Variants in RBM48 observed in about 807,000 individuals in gnomAD.
RBM48 encodes RNA binding motif protein 48.
A neutral mutation model predicts 34.8 loss-of-function variants in RBM48; 32 were observed. That is an observed-to-expected ratio of 0.92 (90% CI 0.69 to 1.23). The LOEUF is 1.23. RBM48 is among the 50% of genes most tolerant of loss of function. The probability of loss-of-function intolerance (pLI) is 0.00; values close to 1 mark genes in which losing one functional copy is unlikely to be tolerated. For synonymous variants in RBM48, 151 were observed against 156.2 expected (o/e 0.97, Z 0.25); for missense variants, 441 against 447.2 (o/e 0.99, Z 0.12).
intron 4 of RBM48, chr7:92,536,065 G>A: frequency 3.1e-6 from 2 of 637,164 alleles, no homozygotes; most frequent in Non-Finnish European, 3.9e-6. Flanking sequence ...GGGAGGCGGA[G>A]GTTGCAGTGA....
intron 1 of RBM48, 71 bp from the exon 2 acceptor site, chr7:92,529,403 TAA>T: frequency 1.2e-6 from 1 of 838,950 alleles, no homozygotes. Flanking sequence ...AAGTTCTCTT[TAA>T]AAAAAAATAG....
At chr7:92,529,798 T>C (rs1490388501) in intron 2 of RBM48, 132 bp downstream of exon 2, 2 of 578,106 alleles carry the variant, frequency 3.5e-6, no homozygotes, top group East Asian at 5.8e-5. Context: ...TCCTCCAGCC[T>C]TTTTAAAAGT....
chr7:92,534,306 T>C (rs1210321351), intron 3 of RBM48, 96 bp from the exon 4 acceptor site: 1 of 1,435,508 alleles, frequency 7.0e-7, no homozygotes, highest in Non-Finnish European at 9.5e-7. Context: ...TGTTAACATT[T>C]TTAAGTGATT....
intron 1 of RBM48, 99 bp downstream of exon 1, chr7:92,529,023 C>T (rs574950814): frequency 2.3e-6 from 2 of 871,820 alleles, no homozygotes; most frequent in Non-Finnish European, 3.8e-6. Flanking sequence ...ACAAGGCTTC[C>T]GTCAGATCTG....
intron 2 of RBM48, among the ~76,000 whole-genome samples, chr7:92,530,937 C>G (rs1793560696): frequency 6.6e-6 from 1 of 152,006 alleles, no homozygotes; most frequent in Admixed American, 6.5e-5. Flanking sequence ...AAAAATCAAG[C>G]TGGGTGTGTT....
In RBM48 at chr7:92,536,964, T is replaced by TAAAAAGAA. The variant is rs1187357526; in HGVS notation, c.*28_*35dup. On this transcript the variant is annotated 3_prime_UTR_variant, in exon 5 of 5. Transcript: ENST00000265732. ...GTGCCAGCAGCAACTTAGTATTTTC[T>TAAAAAGAA]AAAAAGAACATTTATTATTTATTTT... The TAAAAAGAA allele has an allele frequency of 6.9e-7, 1 of 1,459,608 alleles. No individual in the cohort carries two copies. Among genetic ancestry groups the TAAAAAGAA allele is most frequent in the Non-Finnish European group, 9.3e-7 (1 of 1,078,458 alleles). The allele number at this position is 1,459,608 out of a possible 1,614,324, so 90.4% of individuals were successfully genotyped here.
At chr7:92,530,439 G>A (rs941077212) in intron 2 of RBM48, among the ~76,000 whole-genome samples, 1 of 151,436 alleles carries the variant, frequency 6.6e-6, no homozygotes, top group Non-Finnish European at 1.5e-5. Flanking sequence ...AGATTGCAGT[G>A]AGCAGAGATC....
rs1434653996 is a variant in RBM48, at chr7:92,534,908, G to A, written c.955G>A (p.Val319Met). The A allele has an allele frequency of 1.2e-6, 2 of 1,614,150 alleles. No homozygotes were observed. The highest frequency in any genetic ancestry group is 1.7e-6 in the Non-Finnish European group (2 of 1,180,000). The change falls in exon 4 of 5, where the codon GTG becomes ATG. Residue 319 changes from valine (V) to methionine (M), a missense_variant. Coordinates refer to ENST00000265732, the MANE Select transcript of RBM48 (RefSeq NM_032120.4). The stretch of plus-strand genomic sequence containing the variant: ...ACCTCTGTTACCAGACATCTCTAAA[G>A]TGGATATGCACGATGACTCATTGAA... ...IGPLLPDISK[V>M]DMHDDSLNTT...
At chr7:92,531,999 G>A (rs1021405485) in intron 2 of RBM48, among the ~76,000 whole-genome samples, 16 of 152,160 alleles carry the variant, frequency 1.1e-4, no homozygotes, top group African/African-American at 3.1e-4. Flanking sequence ...TATGATTATA[G>A]TATCTTTCAT....
rs370063078 is a variant in RBM48, at chr7:92,528,976, T to C, written c.111+52T>C. The C allele has an allele frequency of 8.2e-4, 1,049 of 1,278,392 alleles. 1 individual carries two copies. Among genetic ancestry groups the C allele is most frequent in the Non-Finnish European group, 1.0e-3 (899 of 886,950 alleles). The allele number at this position is 1,278,392 out of a possible 1,614,324, so 79.2% of individuals were successfully genotyped here. ...CTCCTCGGTAGCTTTATGTGAGTGCTAGCGCCATATGACCAGCCTACGGAA... is the reference window on the plus strand; with the variant it reads ...CTCCTCGGTAGCTTTATGTGAGTGCCAGCGCCATATGACCAGCCTACGGAA... On this transcript the variant is annotated intron_variant, in intron 1 of 4. Coordinates refer to ENST00000265732, the MANE Select transcript of RBM48 (RefSeq NM_032120.4).
rs1793809097 is a variant in RBM48, at chr7:92,539,521, A to T, written c.*2584A>T. Among the ~76,000 whole-genome samples, 1 of 152,152 alleles carries T rather than the reference A, an allele frequency of 6.6e-6. No individual in the cohort carries two copies. Among genetic ancestry groups the T allele is most frequent in the Non-Finnish European group, 1.5e-5 (1 of 68,026 alleles). On this transcript the variant is annotated 3_prime_UTR_variant, in exon 5 of 5. Coordinates refer to ENST00000265732, the MANE Select transcript of RBM48 (RefSeq NM_032120.4). ...GTTCAAGGCCAGCCTGGCCAACATGATGAAACTCCATCTCTACAAAAAATA... is the reference window on the plus strand; with the variant it reads ...GTTCAAGGCCAGCCTGGCCAACATGTTGAAACTCCATCTCTACAAAAAATA...
At chr7:92,530,197 AAATT>A (rs1793527700) in intron 2 of RBM48, among the ~76,000 whole-genome samples, 1 of 144,022 alleles carries the variant, frequency 6.9e-6, no homozygotes, top group African/African-American at 2.7e-5. Flanking sequence ...AAAAAAAAAA[AAATT>A]TGGGTTTGAA....
rs1242121080 is a variant in RBM48, at chr7:92,537,990, A to G, written c.*1053A>G. On this transcript the variant is annotated 3_prime_UTR_variant, in exon 5 of 5. Coordinates refer to ENST00000265732, the MANE Select transcript of RBM48 (RefSeq NM_032120.4). ...GGCCATTTTCTTTACTGATAAAAAT[A>G]ACTTGAGAAGGTCCATACCGTGGTG... is the stretch of plus-strand genomic sequence containing the variant. 1.3e-5 allele frequency: 2 copies of G among 152,204 alleles called. No homozygotes were observed. The highest frequency in any genetic ancestry group is 2.9e-5 in the Non-Finnish European group (2 of 68,054). 9.4% of individuals were successfully genotyped at this position (152,204 alleles called of 1,614,324 possible).
chr7:92,535,830 G>A, intron 4 of RBM48: 8 of 982,354 alleles, frequency 8.1e-6, no homozygotes, highest in Non-Finnish European at 9.7e-6. Flanking sequence ...CAGTTTTGAA[G>A]CCTTCTTTAG....
At chr7:92,530,309 C>T (rs1282536426) in intron 2 of RBM48, among the ~76,000 whole-genome samples, 2 of 151,492 alleles carry the variant, frequency 1.3e-5, no homozygotes. Flanking sequence ...GCCTGGCCAA[C>T]ATGATGGAAA....
At chr7:92,533,383 A>T (rs1363203590) in intron 3 of RBM48, among the ~76,000 whole-genome samples, 2 of 152,260 alleles carry the variant, frequency 1.3e-5, no homozygotes, top group East Asian at 3.8e-4. Flanking sequence ...TAAGTCTCAG[A>T]AAGTTTGTGA....
intron 3 of RBM48, among the ~76,000 whole-genome samples, chr7:92,532,985 T>C (rs944830196): frequency 6.6e-6 from 1 of 152,208 alleles, no homozygotes; most frequent in Non-Finnish European, 1.5e-5. Flanking sequence ...TGTCCCATGC[T>C]AAGGAATTAA....
chr7:92,531,255 A>G (rs2116316462), intron 2 of RBM48, among the ~76,000 whole-genome samples: 1 of 152,360 alleles, frequency 6.6e-6, no homozygotes, highest in African/African-American at 2.4e-5. Flanking sequence ...GATAATCCAT[A>G]TAAAGGTGTA....
chr7:92,539,242 C>CAGAT lies in RBM48; in HGVS notation c.*2306_*2309dup, dbSNP rs1793801649. ...TATACTGTTTTCGCTCATCTCTTTT[C>CAGAT]AGATTGGAAGCCTGCCTTTTACACA... On this transcript the variant is annotated 3_prime_UTR_variant, in exon 5 of 5. Coordinates refer to ENST00000265732, the MANE Select transcript of RBM48 (RefSeq NM_032120.4). Among the ~76,000 whole-genome samples, 1 of 152,200 alleles carries CAGAT rather than the reference C, an allele frequency of 6.6e-6. No homozygotes were observed. Among genetic ancestry groups the CAGAT allele is most frequent in the African/African-American group, 2.4e-5 (1 of 41,456 alleles).
Sources: gnomAD v4.1 joint callset for allele counts (sites outside exome capture counted in the v4.1 genomes callset) on GRCh38, gnomAD v4.1.1 for gene constraint, MANE v1.5 for transcripts, NCBI Gene and HGNC (gene_info 2026-07-23, HGNC 2026-07-21) for gene names.